Variants in GDPD4 observed in about 807,000 individuals in gnomAD.
GDPD4 encodes glycerophosphodiester phosphodiesterase 6.
GDPD4 carries 60 observed loss-of-function variants against 67.8 expected under a neutral mutation model. The ratio of observed to expected loss-of-function variants is 0.88; its 90% CI spans 0.72 to 1.10. GDPD4 has a LOEUF of 1.10. Among genes scored for constraint, GDPD4 ranks in the 50% least tolerant of loss-of-function variants. GDPD4 has a pLI of 0.00. For synonymous variants in GDPD4, 212 were observed against 210.9 expected (o/e 1.00, Z -0.04); for missense variants, 623 against 613.9 (o/e 1.01, Z -0.16).
intron 3 of GDPD4, among the ~76,000 whole-genome samples, chr11:77,281,082 T>C (rs748690295): frequency 2.6e-5 from 4 of 152,336 alleles, no homozygotes; most frequent in Middle Eastern, 6.8e-3. Context: ...TCTAGCAGCA[T>C]AATCACACCT....
intron 13 of GDPD4, 88 bp downstream of exon 13, chr11:77,243,606 G>T: frequency 8.7e-7 from 1 of 1,149,140 alleles, no homozygotes; most frequent in Non-Finnish European, 1.3e-6. Flanking sequence ...TTCCGAGATG[G>T]AAAGGGGAAG....
rs566501951 is a variant in GDPD4, at chr11:77,229,791, G to C, written c.1390-559C>G. ...GTATCACACTTTAATTAAGAATGCT[G>C]AAGTACAATTACCCCTTACCTACAT... is the stretch of plus-strand genomic sequence containing the variant. On this transcript the variant is annotated intron_variant, in intron 14 of 16. Transcript: ENST00000315938. 7.9e-5 allele frequency among the ~76,000 whole-genome samples: 12 copies of C among 152,300 alleles called. No homozygotes were observed. The South Asian group carries it at 2.5e-3, about 32-fold the overall frequency.
Position 77,258,377 on chromosome 11 carries a change from G to A in GDPD4, c.864+9C>T. 1 of 1,613,514 alleles carries A rather than the reference G, an allele frequency of 6.2e-7. No homozygotes were observed. The highest frequency in any genetic ancestry group is 1.1e-5 in the South Asian group (1 of 91,032). ...ATGCAGGTTTGTGGAACTTGGGAATGTGTCTTACCTCTGGTTTTACAAACC... is the reference window on the plus strand; with the variant it reads ...ATGCAGGTTTGTGGAACTTGGGAATATGTCTTACCTCTGGTTTTACAAACC... On this transcript the variant is annotated intron_variant, in intron 11 of 16. Transcript: ENST00000315938.
intron 14 of GDPD4, among the ~76,000 whole-genome samples, chr11:77,232,396 T>G (rs1958471484): frequency 6.6e-6 from 1 of 152,228 alleles, no homozygotes; most frequent in African/African-American, 2.4e-5. Context: ...ACAAGTTCTG[T>G]AGCAGTAACT....
Position 77,276,184 on chromosome 11 carries a change from G to T in GDPD4, c.184C>A (p.Leu62Ile). 6.2e-7 allele frequency: 1 copy of T among 1,613,674 alleles called. No individual in the cohort carries two copies. The highest frequency in any genetic ancestry group is 8.5e-7 in the Non-Finnish European group (1 of 1,179,610). Residue 62 changes from leucine (L) to isoleucine (I), a missense_variant, in exon 5 of 17, where the codon CTA becomes ATA. By Grantham distance (5) the Leu-to-Ile change is conservative. Coordinates refer to ENST00000315938, the MANE Select transcript of GDPD4 (RefSeq NM_182833.3). ...GFLLLWERIE[L>I]YLHLCHKILI... ...ACCTTATGACACAAGTGCAGGTATA[G>T]TTCAATCCTTTCCCAAAGCAACAAA...
intron 11 of GDPD4, 39 bp from the exon 12 acceptor site, chr11:77,245,541 T>A (rs995904742): frequency 7.0e-7 from 1 of 1,418,444 alleles, no homozygotes; most frequent in African/African-American, 1.4e-5. Context: ...AAAAGCACTT[T>A]CCAGTTCTCC....
At chr11:77,291,522 T>A (rs904413150) in intron 1 of GDPD4, among the ~76,000 whole-genome samples, 2 of 152,146 alleles carry the variant, frequency 1.3e-5, no homozygotes, top group African/African-American at 2.4e-5. Flanking sequence ...ATTTGAAATG[T>A]CCCTAGTACA....
At chr11:77,263,062 A>G (rs1400542629) in intron 10 of GDPD4, among the ~76,000 whole-genome samples, 1 of 152,070 alleles carries the variant, frequency 6.6e-6, no homozygotes, top group South Asian at 2.1e-4. Context: ...GAAAATTAAA[A>G]TATTTCATAC....
chr11:77,233,518 T>G (rs967431501), intron 13 of GDPD4, among the ~76,000 whole-genome samples: 1 of 148,150 alleles, frequency 6.7e-6, no homozygotes, highest in Non-Finnish European at 1.5e-5. Context: ...CAAATTTCCA[T>G]GGTAAAAACA....
intron 2 of GDPD4, among the ~76,000 whole-genome samples, chr11:77,286,539 A>T (rs540590999): frequency 6.6e-6 from 1 of 152,326 alleles, no homozygotes; most frequent in Admixed American, 6.5e-5. Flanking sequence ...AGGTATAAGA[A>T]ATTAATGACC....
chr11:77,279,861 GC>G (rs1959677087), intron 3 of GDPD4, among the ~76,000 whole-genome samples: 1 of 151,842 alleles, frequency 6.6e-6, no homozygotes, highest in Non-Finnish European at 1.5e-5. Context: ...TCCTAATGTA[GC>G]ATATGAGAGA....
chr11:77,287,637 T>C (rs1960053662), intron 1 of GDPD4, among the ~76,000 whole-genome samples: 1 of 152,204 alleles, frequency 6.6e-6, no homozygotes, highest in Non-Finnish European at 1.5e-5. Flanking sequence ...ACTGCATCAC[T>C]CTAGGTTTAG....
At chr11:77,249,251 CGA>C (rs1263929445) in intron 11 of GDPD4, among the ~76,000 whole-genome samples, 2 of 132,456 alleles carry the variant, frequency 1.5e-5, no homozygotes, top group Non-Finnish European at 3.2e-5. Flanking sequence ...GGCAACAGAC[CGA>C]GACTCCATCT....
rs1959522911 is a variant in GDPD4 at position 77,277,391 on chromosome 11, C to CTATTT, written c.148-1172_148-1171insAAATA. ...ACAAACCTCTTTTCAGCCATGTTTC[C>CTATTT]TTTTTTTTTTTTTTTTTTTTTTTTT... On this transcript the variant is annotated intron_variant, in intron 4 of 16. Transcript: ENST00000315938. Among the ~76,000 whole-genome samples the CTATTT allele has an allele frequency of 1.7e-4, 10 of 58,328 alleles. No homozygotes were observed. In the Admixed American group the frequency reaches 3.0e-3, roughly 18 times the overall value. 38.3% of individuals were successfully genotyped at this position (58,328 alleles called of 152,430 possible).
chr11:77,244,203 T>C (rs1591541703), intron 12 of GDPD4, among the ~76,000 whole-genome samples: 1 of 152,066 alleles, frequency 6.6e-6, no homozygotes, highest in East Asian at 1.9e-4. Context: ...TTTTATTGTA[T>C]TTTGTATTTT....
chr11:77,275,422 C>G (rs551096896), intron 5 of GDPD4, among the ~76,000 whole-genome samples: 1 of 152,010 alleles, frequency 6.6e-6, no homozygotes, highest in Middle Eastern at 3.2e-3. Context: ...AAACCCAAGA[C>G]GGGGTAAAAA....
intron 16 of GDPD4, among the ~76,000 whole-genome samples, chr11:77,218,096 ATTT>A (rs35719470): frequency 6.8e-6 from 1 of 147,522 alleles, no homozygotes; most frequent in Non-Finnish European, 1.5e-5. Context: ...ATGAGCTTCC[ATTT>A]TTTTTTTTGT....
intron 11 of GDPD4, among the ~76,000 whole-genome samples, chr11:77,247,534 TA>T (rs1338828200): frequency 6.6e-6 from 1 of 152,188 alleles, no homozygotes; most frequent in Non-Finnish European, 1.5e-5. Flanking sequence ...CTGGAATGGA[TA>T]AATGCCTGTT....
At chr11:77,224,527 A>G (rs112460321) in intron 16 of GDPD4, among the ~76,000 whole-genome samples, 2,440 of 152,260 alleles carry the variant, frequency 0.016, 24 homozygotes, top group African/African-American at 0.025. Context: ...GACCATGTGG[A>G]TAGGACTTGA....
Sources: gnomAD v4.1 joint callset for allele counts (sites outside exome capture counted in the v4.1 genomes callset) on GRCh38, gnomAD v4.1.1 for gene constraint, MANE v1.5 for transcripts, NCBI Gene and HGNC (gene_info 2026-07-23, HGNC 2026-07-21) for gene names.